The following SCN3B variants were observed in gnomAD, a reference collection of about 807,000 sequenced individuals.
The protein encoded by SCN3B is sodium channel regulatory subunit beta-3.
SCN3B carries 11 observed loss-of-function variants against 25.4 expected under a neutral mutation model. The observed-to-expected ratio is 0.43, with a 90% CI of 0.27 to 0.72. The LOEUF is 0.72. SCN3B is among the 30% of genes least tolerant of loss of function. The probability of loss-of-function intolerance (pLI) is 0.18; values close to 1 mark genes in which losing one functional copy is unlikely to be tolerated. For synonymous variants in SCN3B, 109 were observed against 110.7 expected (o/e 0.99, Z 0.09); for missense variants, 218 against 278.3 (o/e 0.78, Z 1.54).
rs1405265221 is a variant in SCN3B at position 123,629,991 on chromosome 11, T to C, written c.*3808A>G. On this transcript the variant is annotated 3_prime_UTR_variant, in exon 7 of 7. Coordinates refer to ENST00000299333, the MANE Select transcript of SCN3B (RefSeq NM_001040151.2). ...TGAGGAGGACTCACAGATTCTGAGA[T>C]GGATGGAATTTCTTTTTTGATCCAA... 3 of 152,230 alleles carry C rather than the reference T, an allele frequency of 2.0e-5. No homozygotes were observed. Among genetic ancestry groups the C allele is most frequent in the African/African-American group, 7.2e-5 (3 of 41,472 alleles). 9.4% of individuals were successfully genotyped at this position (152,230 alleles called of 1,614,324 possible).
At position 123,629,884 on chromosome 11, in the gene SCN3B, T is replaced by G. The variant is rs1367295561; in HGVS notation, c.*3915A>C. ...TAAACTGGGAAAGGGGAAACTAAGA[T>G]ATATTCTGAAGTGTGTCTAGCTCTT... On this transcript the variant is annotated 3_prime_UTR_variant, in exon 7 of 7. Coordinates refer to ENST00000299333, the MANE Select transcript of SCN3B (RefSeq NM_001040151.2). The G allele has an allele frequency of 6.6e-6, 1 of 152,226 alleles. No individual in the cohort carries two copies. Among genetic ancestry groups the G allele is most frequent in the Non-Finnish European group, 1.5e-5 (1 of 68,040 alleles). 9.4% of individuals were successfully genotyped at this position (152,226 alleles called of 1,614,324 possible).
At chr11:123,651,110 TATTA>T (rs906914101) in intron 2 of SCN3B, among the ~76,000 whole-genome samples, 43 of 151,500 alleles carry the variant, frequency 2.8e-4, no homozygotes, top group African/African-American at 7.2e-4. Flanking sequence ...TTATTTATTG[TATTA>T]ATTATTTATT....
At chr11:123,643,958 A>G (rs1166127239) in intron 3 of SCN3B, among the ~76,000 whole-genome samples, 1 of 152,240 alleles carries the variant, frequency 6.6e-6, no homozygotes, top group Non-Finnish European at 1.5e-5. Flanking sequence ...CATAGAAGCT[A>G]GAGTTAGAAA....
chr11:123,654,174 G>A (rs1955965673), intron 1 of SCN3B, 52 bp downstream of exon 1: 6 of 380,168 alleles, frequency 1.6e-5, no homozygotes, highest in South Asian at 1.5e-4. Context: ...TCGGAAGGGA[G>A]TCGCACTGCT....
rs758915355 is a variant in SCN3B, at chr11:123,634,161, C to T, written c.630G>A (p.Ala210=). 42 of 1,613,712 alleles carry T rather than the reference C, an allele frequency of 2.6e-5. No individual in the cohort carries two copies. The highest frequency in any genetic ancestry group is 1.6e-4 in the Middle Eastern group (1 of 6,084). ...AIPSENKENS[A]VPVEE The stretch of plus-strand genomic sequence containing the variant: ...TCCTGTTCTATTCCTCCACTGGTAC[C>T]GCAGAGTTCTCCTTGTTCTCAGATG... The change falls in exon 6 of 7, where the codon GCG becomes GCA. Residue 210 remains alanine, a synonymous_variant. Coordinates refer to ENST00000299333, the MANE Select transcript of SCN3B (RefSeq NM_001040151.2).
At position 123,654,157 on chromosome 11, in the gene SCN3B, G is replaced by T. The variant is rs1158622428; in HGVS notation, c.-26+69C>A. 14 of 415,714 alleles carry T rather than the reference G, an allele frequency of 3.4e-5. No individual in the cohort carries two copies. The East Asian group carries it at 6.7e-4, about 20-fold the overall frequency. The allele number at this position is 415,714 out of a possible 1,614,324, so 25.8% of individuals were successfully genotyped here. The stretch of plus-strand genomic sequence containing the variant: ...CCTCGCTCGTTTGCGCCCAGGGTAA[G>T]CTCAGCTCGGAAGGGAGTCGCACTG... On this transcript the variant is annotated intron_variant, in intron 1 of 6. Transcript: ENST00000299333.
intron 2 of SCN3B, 120 bp downstream of exon 2, chr11:123,653,627 A>C: frequency 8.9e-7 from 1 of 1,128,164 alleles, no homozygotes; most frequent in South Asian, 1.2e-5. Context: ...CATGTCTGGC[A>C]GATACGCACA....
chr11:123,634,624 C>T (rs1469082900), intron 5 of SCN3B, among the ~76,000 whole-genome samples: 3 of 152,154 alleles, frequency 2.0e-5, no homozygotes, highest in Non-Finnish European at 4.4e-5. Flanking sequence ...TGCCTGTAGT[C>T]CCAGCTACTT....
chr11:123,646,378 G>T (rs1200925376), intron 2 of SCN3B, among the ~76,000 whole-genome samples: 1 of 152,200 alleles, frequency 6.6e-6, no homozygotes, highest in East Asian at 1.9e-4. Context: ...GGTAGGCAGG[G>T]CCCATGCTGT....
intron 2 of SCN3B, among the ~76,000 whole-genome samples, chr11:123,653,316 G>T (rs1289545800): frequency 7.3e-6 from 1 of 137,314 alleles, no homozygotes; most frequent in African/African-American, 2.6e-5. Context: ...CATGCATCCA[G>T]CTTTTATGGT....
chr11:123,642,683 G>A lies in SCN3B; in HGVS notation c.220-12C>T. On this transcript the variant is annotated splice_polypyrimidine_tract_variant and intron_variant, in intron 3 of 6. Coordinates refer to ENST00000299333, the MANE Select transcript of SCN3B (RefSeq NM_001040151.2). This position sits in a 1 kb window ranked among gnomAD's most constrained non-coding sequence, Gnocchi z 4.3. The stretch of plus-strand genomic sequence containing the variant: ...CGATACTCGTAAATCTGCAGATAGA[G>A]GAGCAGAAGAGGGTAGGGCCAGGAA... The A allele has an allele frequency of 6.2e-7, 1 of 1,607,972 alleles. No individual in the cohort carries two copies. Among genetic ancestry groups the A allele is most frequent in the Non-Finnish European group, 8.5e-7 (1 of 1,174,952 alleles).
intron 2 of SCN3B, among the ~76,000 whole-genome samples, chr11:123,648,361 T>C (rs773577183): frequency 6.6e-6 from 1 of 152,242 alleles, no homozygotes. Flanking sequence ...AGGTTTATCA[T>C]GAGAATTTTA....
chr11:123,646,004 T>G lies in SCN3B; in HGVS notation c.56-254A>C, dbSNP rs7109479. On this transcript the variant is annotated intron_variant, in intron 2 of 6. Transcript: ENST00000299333. ...ACTGAAATCCTTCCCCTGGAAGCAGTGGAGATGCAGCACCGTACATTATAC... is the reference window on the plus strand; with the variant it reads ...ACTGAAATCCTTCCCCTGGAAGCAGGGGAGATGCAGCACCGTACATTATAC... Among the ~76,000 whole-genome samples, 16,044 of 152,078 alleles carry G rather than the reference T, an allele frequency of 0.11. 1,081 individuals carry two copies. The highest frequency in any genetic ancestry group is 0.19 in the African/African-American group (7,904 of 41,458).
rs796965268 is a variant in SCN3B at position 123,635,685 on chromosome 11, CA to C, written c.585-1480del. On this transcript the variant is annotated intron_variant, in intron 5 of 6. Coordinates refer to ENST00000299333, the MANE Select transcript of SCN3B (RefSeq NM_001040151.2). ...TGGGCAACAGAGCGAGACTCTGTCT[CA>C]AAAAAAAAAAAAGAAAACAAAGGAA... is the stretch of plus-strand genomic sequence containing the variant. Among the ~76,000 whole-genome samples, 889 of 129,802 alleles carry C rather than the reference CA, an allele frequency of 6.8e-3. 7 individuals carry two copies. Among genetic ancestry groups the C allele is most frequent in the African/African-American group, 0.018 (643 of 35,422 alleles). The allele number at this position is 129,802 out of a possible 152,430, so 85.2% of individuals were successfully genotyped here. A position where few individuals can be genotyped will look rare whatever the true frequency, so the allele number is the denominator to read the frequency against.
intron 6 of SCN3B, 98 bp downstream of exon 6, chr11:123,634,023 G>C: frequency 2.1e-6 from 2 of 963,074 alleles, no homozygotes; most frequent in South Asian, 2.7e-5. Context: ...AGTGACCTAA[G>C]GGACCAAATT....
Position 123,642,543 on chromosome 11 carries a change from G to C in SCN3B, c.348C>G (p.Gly116=), listed in dbSNP as rs1245200128. ...TVLNVTLNDS[G]LYTCNVSREF... Reference sequence around the variant, plus strand: ...CCCGGGACACATTGCAGGTGTAGAGGCCAGAGTCGTTCAGAGTGACGTTGA... The same window carrying C: ...CCCGGGACACATTGCAGGTGTAGAGCCCAGAGTCGTTCAGAGTGACGTTGA... The change falls in exon 4 of 7, where the codon GGC becomes GGG. Residue 116 remains glycine, a synonymous_variant. Transcript: ENST00000299333. The surrounding 1 kb of genome is among the most constrained non-coding windows in gnomAD (Gnocchi z 4.3). The C allele has an allele frequency of 6.2e-7, 1 of 1,614,178 alleles. No homozygotes were observed. Among genetic ancestry groups the C allele is most frequent in the South Asian group, 1.1e-5 (1 of 91,084 alleles).
intron 4 of SCN3B, chr11:123,639,386 T>C (rs1449459891): frequency 6.6e-6 from 1 of 152,192 alleles, no homozygotes; most frequent in Non-Finnish European, 1.5e-5. Context: ...CTTTTCTCTT[T>C]TTTTTTTGAG....
At position 123,642,160 on chromosome 11, in the gene SCN3B, CT is replaced by C. The variant is rs1194958589; in HGVS notation, c.445+285del. Among the ~76,000 whole-genome samples, 1 of 152,160 alleles carries C rather than the reference CT, an allele frequency of 6.6e-6. No homozygotes were observed. The highest frequency in any genetic ancestry group is 1.5e-5 in the Non-Finnish European group (1 of 68,020). ...CCTAGCTGAATCAGTAGCTTTAGGCCTCATGGAGGCTAGCCTCTTTCTCTAA... is the reference window on the plus strand; with the variant it reads ...CCTAGCTGAATCAGTAGCTTTAGGCCCATGGAGGCTAGCCTCTTTCTCTAA... On this transcript the variant is annotated intron_variant, in intron 4 of 6. Transcript: ENST00000299333. This position sits in a 1 kb window ranked among gnomAD's most constrained non-coding sequence, Gnocchi z 4.3.
At chr11:123,653,181 G>C (rs1312210648) in intron 2 of SCN3B, among the ~76,000 whole-genome samples, 2 of 151,638 alleles carry the variant, frequency 1.3e-5, no homozygotes, top group Non-Finnish European at 2.9e-5. Context: ...GAAAAAGAAA[G>C]ATGCATTTCA....
Sources: gnomAD v4.1 joint callset for allele counts (sites outside exome capture counted in the v4.1 genomes callset) on GRCh38, gnomAD v4.1.1 for gene constraint, Gnocchi (gnomAD v3.1) non-coding constraint, MANE v1.5 for transcripts, NCBI Gene and HGNC (gene_info 2026-07-23, HGNC 2026-07-21) for gene names.